The following TANC1 variants were observed in gnomAD, a reference collection of about 807,000 sequenced individuals.
TANC1 encodes protein TANC1.
TANC1 carries 77 observed loss-of-function variants against 149.7 expected under a neutral mutation model. The ratio of observed to expected loss-of-function variants is 0.51; its 90% CI spans 0.43 to 0.62. The LOEUF (loss-of-function observed/expected upper bound fraction) is 0.62, where lower values mean the gene tolerates loss of function less well. Ranked by LOEUF, TANC1 falls within the 20% of genes least tolerant of loss-of-function variation. TANC1 has a pLI of 0.00. For synonymous variants in TANC1, 854 were observed against 925.0 expected (o/e 0.92, Z 1.39); for missense variants, 1,985 against 2,321.8 (o/e 0.85, Z 2.98).
intron 3 of TANC1, among the ~76,000 whole-genome samples, chr2:159,090,270 T>G (rs1298908482): frequency 6.6e-6 from 1 of 152,232 alleles, no homozygotes; most frequent in African/African-American, 2.4e-5. Context: ...AATGTACATT[T>G]GGAATGGAAA....
intron 1 of TANC1, among the ~76,000 whole-genome samples, chr2:158,977,406 G>A (rs1424387202): frequency 1.3e-5 from 2 of 152,078 alleles, no homozygotes; most frequent in African/African-American, 4.8e-5. Flanking sequence ...TGCCTCCTGG[G>A]TTCGAGTGAT....
At chr2:159,158,338 C>T (rs755481359) in intron 7 of TANC1, among the ~76,000 whole-genome samples, 45 of 151,904 alleles carry the variant, frequency 3.0e-4, no homozygotes, top group Admixed American at 4.6e-4. Context: ...CCAGCCTGGG[C>T]AACAGAGCGA....
chr2:159,116,908 C>T (rs1027616347), intron 4 of TANC1, among the ~76,000 whole-genome samples: 3 of 152,170 alleles, frequency 2.0e-5, no homozygotes, highest in African/African-American at 7.2e-5. Flanking sequence ...TTAGACTGCT[C>T]GTTGATAACC....
chr2:159,108,357 G>A (rs1000778798), intron 4 of TANC1, among the ~76,000 whole-genome samples: 2 of 152,106 alleles, frequency 1.3e-5, no homozygotes, highest in African/African-American at 4.8e-5. Flanking sequence ...GTTTCCCGCC[G>A]CCTGCAGTTA....
chr2:159,198,979 T>C lies in TANC1; in HGVS notation c.3170T>C (p.Val1057Ala), dbSNP rs778039704. ...AAASMGHSSV[V>A]QCLLGMEKEH... ...TCACCTTGCCACTTCTGACAGGTGG[T>C]CCAGTGCTTGCTGGGGATGGAGAAG... The change falls in exon 19 of 27, where the codon GTC (valine) becomes GCC (alanine). Residue 1057 changes from valine (V) to alanine (A), a missense_variant. Physicochemically the swap from Val to Ala is moderately conservative, Grantham distance 64 (BLOSUM62 0). This residue lies in a region of TANC1 where 508 missense variants were observed against 714.2 expected (regional missense o/e 0.71). Transcript: ENST00000263635. The C allele has an allele frequency of 6.8e-6, 11 of 1,613,768 alleles. No homozygotes were observed. Among genetic ancestry groups the C allele is most frequent in the Non-Finnish European group, 8.5e-6 (10 of 1,179,704 alleles).
At chr2:159,086,471 A>G (rs932638579) in intron 3 of TANC1, among the ~76,000 whole-genome samples, 1 of 152,112 alleles carries the variant, frequency 6.6e-6, no homozygotes, top group Non-Finnish European at 1.5e-5. Flanking sequence ...AGTGTGTGGC[A>G]GGCAGACTGA....
chr2:159,119,210 T>G (rs2048601127), intron 4 of TANC1, among the ~76,000 whole-genome samples: 1 of 152,212 alleles, frequency 6.6e-6, no homozygotes, highest in Admixed American at 6.5e-5. Flanking sequence ...TTTGAGCCTA[T>G]GTAGGAAGTA....
At chr2:159,211,852 T>A (rs2150861243) in intron 19 of TANC1, among the ~76,000 whole-genome samples, 1 of 152,374 alleles carries the variant, frequency 6.6e-6, no homozygotes, top group South Asian at 2.1e-4. Context: ...TGCCTGTGCT[T>A]ACAGGTTTTT....
In TANC1 at chr2:159,067,368, C is replaced by T. The variant is rs560185925; in HGVS notation, c.61+1397C>T. Among the ~76,000 whole-genome samples the T allele has an allele frequency of 5.9e-5, 9 of 152,280 alleles. 1 individual carries two copies. The South Asian group carries it at 1.7e-3, about 28-fold the overall frequency. On this transcript the variant is annotated intron_variant, in intron 3 of 26. Coordinates refer to ENST00000263635, the MANE Select transcript of TANC1 (RefSeq NM_033394.3). ...TCTCATCAATGCCTGGGTGAGCAGA[C>T]ACCAAAGAAAAGGAGAAACCAGTTT...
At chr2:159,090,538 A>G (rs1165141652) in intron 3 of TANC1, among the ~76,000 whole-genome samples, 5 of 152,106 alleles carry the variant, frequency 3.3e-5, no homozygotes, top group Non-Finnish European at 4.4e-5. Flanking sequence ...GGGTGTTGGA[A>G]ACTGAATCAG....
chr2:159,178,443 A>G, intron 13 of TANC1, 113 bp from the exon 14 acceptor site: 1 of 1,235,564 alleles, frequency 8.1e-7, no homozygotes, highest in African/African-American at 1.5e-5. Context: ...GAGTCCCTGT[A>G]ATCCATGAAA....
intron 7 of TANC1, among the ~76,000 whole-genome samples, chr2:159,159,470 G>GAAGA (rs1161444250): frequency 6.6e-6 from 1 of 151,572 alleles, no homozygotes; most frequent in East Asian, 1.9e-4. Flanking sequence ...TTGGGAAGGT[G>GAAGA]AAGAAAGAGT....
At chr2:159,030,576 G>A (rs991835475) in intron 2 of TANC1, among the ~76,000 whole-genome samples, 4 of 152,178 alleles carry the variant, frequency 2.6e-5, no homozygotes, top group Admixed American at 2.6e-4. Flanking sequence ...AGACACAGTT[G>A]TAGCCATTTC....
intron 22 of TANC1, 96 bp downstream of exon 22, chr2:159,219,963 C>CTGATGACACTGAGACACA: frequency 9.0e-7 from 1 of 1,116,910 alleles, no homozygotes; most frequent in Non-Finnish European, 1.3e-6. Flanking sequence ...GGTTGTGTCT[C>CTGATGACACTGAGACACA]AGTGTCATCA....
intron 4 of TANC1, among the ~76,000 whole-genome samples, chr2:159,108,248 G>C (rs1262702459): frequency 6.6e-6 from 1 of 152,182 alleles, no homozygotes; most frequent in African/African-American, 2.4e-5. Flanking sequence ...GAGCAAAAGG[G>C]AGTGTGTCTT....
chr2:159,012,840 A>T (rs2037900980), intron 2 of TANC1, among the ~76,000 whole-genome samples: 1 of 152,126 alleles, frequency 6.6e-6, no homozygotes, highest in Admixed American at 6.6e-5. Context: ...TTTGTTTGAC[A>T]TTGTTCCTAA....
chr2:159,179,297 A>G, intron 14 of TANC1, 134 bp downstream of exon 14: 1 of 1,277,312 alleles, frequency 7.8e-7, no homozygotes, highest in Non-Finnish European at 1.1e-6. Context: ...GCTTTGTTTT[A>G]TTATTTTTCT....
At chr2:159,124,326 G>C (rs1030621294) in intron 4 of TANC1, among the ~76,000 whole-genome samples, 2 of 152,034 alleles carry the variant, frequency 1.3e-5, no homozygotes, top group African/African-American at 4.8e-5. Flanking sequence ...CCTGGGCGAC[G>C]GAACGAGATT....
At chr2:159,207,375 G>A (rs2058675971) in intron 19 of TANC1, among the ~76,000 whole-genome samples, 1 of 152,168 alleles carries the variant, frequency 6.6e-6, no homozygotes, top group Admixed American at 6.5e-5. Context: ...TATTTTTAAA[G>A]GTGACTTCCT....
Sources: gnomAD v4.1 joint callset for allele counts (sites outside exome capture counted in the v4.1 genomes callset) on GRCh38, gnomAD v4.1.1 for gene constraint, gnomAD v4.1.1 regional missense constraint, MANE v1.5 for transcripts, NCBI Gene and HGNC (gene_info 2026-07-23, HGNC 2026-07-21) for gene names.